ADCY2: variants seen among roughly 807,000 people sequenced by gnomAD.
ADCY2 encodes adenylate cyclase 2, also known as adenylate cyclase type 2.
ADCY2 carries 31 observed loss-of-function variants against 125.2 expected under a neutral mutation model. That is an observed-to-expected ratio of 0.25 (90% CI 0.19 to 0.33). The LOEUF (loss-of-function observed/expected upper bound fraction) is 0.33. ADCY2 is among the 10% of genes least tolerant of loss of function. The pLI is 1.00. For missense variants in ADCY2, 904 were observed against 1,418.2 expected (o/e 0.64, Z 5.82); for synonymous variants, 512 against 548.4 (o/e 0.93, Z 0.93).
chr5:7,817,871 G>A (rs1745168346), intron 23 of ADCY2, among the ~76,000 whole-genome samples: 1 of 142,534 alleles, frequency 7.0e-6, no homozygotes, highest in Non-Finnish European at 1.5e-5. Flanking sequence ...TTACTTGGTT[G>A]AAAACAAAGG....
chr5:7,419,742 G>A (rs1271854122), intron 2 of ADCY2, among the ~76,000 whole-genome samples: 1 of 152,162 alleles, frequency 6.6e-6, no homozygotes. Flanking sequence ...TGAGGGCAAG[G>A]CCAGACCTCA....
Position 7,736,014 on chromosome 5 carries a change from A to G in ADCY2, c.1872-7654A>G, listed in dbSNP as rs373538298. Among the ~76,000 whole-genome samples the G allele has an allele frequency of 1.8e-3, 280 of 152,322 alleles. 1 individual carries two copies. Among genetic ancestry groups the G allele is most frequent in the Middle Eastern group, 0.01 (3 of 294 alleles). ...AGAGTTTGAGATCAGCCTGGACAAC[A>G]TGGCAAAACCCCTGGGCAAAGGGGC... is the stretch of plus-strand genomic sequence containing the variant. On this transcript the variant is annotated intron_variant, in intron 14 of 24. Transcript: ENST00000338316.
At chr5:7,760,439 T>C (rs1040020425) in intron 16 of ADCY2, among the ~76,000 whole-genome samples, 2 of 152,184 alleles carry the variant, frequency 1.3e-5, no homozygotes, top group Non-Finnish European at 2.9e-5. Context: ...CTCAGAACCC[T>C]TGGGTGACTG....
chr5:7,738,881 T>C (rs1450207582), intron 14 of ADCY2, among the ~76,000 whole-genome samples: 1 of 151,850 alleles, frequency 6.6e-6, no homozygotes, highest in African/African-American at 2.4e-5. Flanking sequence ...AAGACAGATA[T>C]GAAAGCACTT....
chr5:7,597,387 G>A (rs1402318241), intron 3 of ADCY2, among the ~76,000 whole-genome samples: 1 of 152,222 alleles, frequency 6.6e-6, no homozygotes, highest in Non-Finnish European at 1.5e-5. Context: ...AGGTTGAGCT[G>A]CAGTGAGATG....
At chr5:7,542,816 T>C (rs1735035823) in intron 3 of ADCY2, among the ~76,000 whole-genome samples, 1 of 152,208 alleles carries the variant, frequency 6.6e-6, no homozygotes, top group African/African-American at 2.4e-5. Context: ...TAGATAATTG[T>C]TTGAGAATAA....
At chr5:7,556,901 T>C (rs1314082399) in intron 3 of ADCY2, among the ~76,000 whole-genome samples, 1 of 152,068 alleles carries the variant, frequency 6.6e-6, no homozygotes, top group Non-Finnish European at 1.5e-5. Context: ...GGAAAAATTG[T>C]CTTCCACAAA....
chr5:7,537,388 T>C (rs1304778400), intron 3 of ADCY2, among the ~76,000 whole-genome samples: 1 of 152,164 alleles, frequency 6.6e-6, no homozygotes, highest in East Asian at 1.9e-4. Flanking sequence ...CAAAGTCAAC[T>C]CAGTATTTTC....
At chr5:7,808,430 A>G (rs143703302) in intron 22 of ADCY2, among the ~76,000 whole-genome samples, 79 of 152,292 alleles carry the variant, frequency 5.2e-4, no homozygotes, top group African/African-American at 1.9e-3. Flanking sequence ...GCCACTTCCA[A>G]TGCAAACCCT....
chr5:7,675,805 C>T (rs553904475), intron 4 of ADCY2, among the ~76,000 whole-genome samples: 54 of 152,178 alleles, frequency 3.5e-4, no homozygotes, highest in African/African-American at 5.3e-4. Flanking sequence ...TTATGAACTT[C>T]GTGGGCATGT....
intron 2 of ADCY2, among the ~76,000 whole-genome samples, chr5:7,458,594 G>A (rs1741797779): frequency 6.6e-6 from 1 of 152,040 alleles, no homozygotes; most frequent in Non-Finnish European, 1.5e-5. Flanking sequence ...TTTCCAGCTG[G>A]CGTATGTTAA....
At chr5:7,465,827 G>A (rs1742093253) in intron 2 of ADCY2, among the ~76,000 whole-genome samples, 1 of 152,090 alleles carries the variant, frequency 6.6e-6, no homozygotes, top group African/African-American at 2.4e-5. Flanking sequence ...TAATGGGGCT[G>A]GCTATCTTGG....
chr5:7,594,605 T>C (rs575012257), intron 3 of ADCY2, among the ~76,000 whole-genome samples: 57 of 152,342 alleles, frequency 3.7e-4, no homozygotes, highest in South Asian at 3.5e-3. Context: ...ATTGACTTAA[T>C]TAATGAGTTT....
intron 2 of ADCY2, among the ~76,000 whole-genome samples, chr5:7,504,391 G>C (rs1243528088): frequency 6.6e-6 from 1 of 152,076 alleles, no homozygotes; most frequent in African/African-American, 2.4e-5. Context: ...CTTTTAAAAG[G>C]GATAGAATTG....
intron 1 of ADCY2, among the ~76,000 whole-genome samples, chr5:7,406,901 G>GTC (rs966846794): frequency 1.3e-5 from 2 of 152,126 alleles, no homozygotes; most frequent in Non-Finnish European, 2.9e-5. Flanking sequence ...TGCTATGTCT[G>GTC]TCTCTCTCTC....
intron 3 of ADCY2, among the ~76,000 whole-genome samples, chr5:7,551,283 AC>A (rs1223339142): frequency 2.0e-5 from 3 of 152,174 alleles, no homozygotes; most frequent in African/African-American, 7.2e-5. Context: ...TGAGTTCATG[AC>A]AGTTAGGATT....
chr5:7,609,212 A>C (rs1241884911), intron 3 of ADCY2, among the ~76,000 whole-genome samples: 2 of 152,354 alleles, frequency 1.3e-5, no homozygotes, highest in East Asian at 1.9e-4. Flanking sequence ...GTATATATCA[A>C]GGCATAACCC....
rs567290830 is a variant in ADCY2 at position 7,775,220 on chromosome 5, C to CATACAT, written c.2384+2139_2384+2144dup. Among the ~76,000 whole-genome samples, 1,255 of 149,650 alleles carry CATACAT rather than the reference C, an allele frequency of 8.4e-3. 8 individuals carry two copies. The highest frequency in any genetic ancestry group is 0.011 in the Non-Finnish European group (713 of 67,628). On this transcript the variant is annotated intron_variant, in intron 18 of 24. Coordinates refer to ENST00000338316, the MANE Select transcript of ADCY2 (RefSeq NM_020546.3). ...GTGTGTGTGTGTGTGTATGCACACACATACATATACATATACATATACATA... is the reference window on the plus strand; with the variant it reads ...GTGTGTGTGTGTGTGTATGCACACACATACATATACATATACATATACATATACATA...
intron 2 of ADCY2, among the ~76,000 whole-genome samples, chr5:7,460,789 A>G (rs912877785): frequency 1.3e-5 from 2 of 152,130 alleles, no homozygotes; most frequent in Non-Finnish European, 2.9e-5. Context: ...TTCTTCCTTT[A>G]GACGAAGGGC....
Sources: gnomAD v4.1 joint callset for allele counts (sites outside exome capture counted in the v4.1 genomes callset) on GRCh38, gnomAD v4.1.1 for gene constraint, MANE v1.5 for transcripts, NCBI Gene and HGNC (gene_info 2026-07-23, HGNC 2026-07-21) for gene names.